Variants in TENM3 observed in about 807,000 individuals in gnomAD.
The protein encoded by TENM3 is teneurin-3.
A neutral mutation model predicts 255.1 loss-of-function variants in TENM3; 63 were observed. That is an observed-to-expected ratio of 0.25 (90% CI 0.20 to 0.30). The LOEUF (loss-of-function observed/expected upper bound fraction) is 0.30. TENM3 is among the 10% of genes least tolerant of loss of function. TENM3 has a pLI of 1.00. For missense variants in TENM3, 2,929 were observed against 3,461.1 expected, an observed-to-expected ratio of 0.85 and a Z score of 3.86; for synonymous variants, 1,306 against 1,322.3, an observed-to-expected ratio of 0.99 and a Z score of 0.27.
At chr4:182,332,431 G>A (rs865919660) in intron 2 of TENM3, among the ~76,000 whole-genome samples, 3 of 152,134 alleles carry the variant, frequency 2.0e-5, no homozygotes, top group Non-Finnish European at 2.9e-5. Context: ...AGTGGCTCAC[G>A]CCTGTAATCC....
chr4:182,191,551 G>A (rs1314017026), intron 1 of TENM3, among the ~76,000 whole-genome samples: 2 of 152,098 alleles, frequency 1.3e-5, no homozygotes, highest in African/African-American at 2.4e-5. Context: ...AGTGCGGTTA[G>A]TTTTATCTAG....
At chr4:182,199,997 G>C (rs1350308691) in intron 1 of TENM3, among the ~76,000 whole-genome samples, 1 of 152,056 alleles carries the variant, frequency 6.6e-6, no homozygotes, top group Non-Finnish European at 1.5e-5. Context: ...AAAGTGCTGG[G>C]ATTAGGCATG....
At chr4:182,423,498 C>T (rs1183359694) in intron 3 of TENM3, among the ~76,000 whole-genome samples, 1 of 152,058 alleles carries the variant, frequency 6.6e-6, no homozygotes, top group Non-Finnish European at 1.5e-5. Context: ...GTGCTCACTC[C>T]TGAGACTTTA....
the TENM3 span, among the ~76,000 whole-genome samples, chr4:181,835,786 T>G: frequency 6.6e-6 from 1 of 152,194 alleles, no homozygotes; most frequent in Non-Finnish European, 1.5e-5. Flanking sequence ...TAAAAAGATG[T>G]GCATGTAATT....
intron 1 of TENM3, among the ~76,000 whole-genome samples, chr4:182,237,201 G>C (rs751811701): frequency 6.6e-6 from 1 of 152,168 alleles, no homozygotes; most frequent in Non-Finnish European, 1.5e-5. Context: ...TTATGGGTGC[G>C]TAGTATTCCA....
the TENM3 span, among the ~76,000 whole-genome samples, chr4:182,015,243 C>A: frequency 6.6e-6 from 1 of 152,172 alleles, no homozygotes; most frequent in Non-Finnish European, 1.5e-5. Flanking sequence ...CAGCTGCCTG[C>A]CCTGCTCCCA....
chr4:181,553,197 A>G, the TENM3 span, among the ~76,000 whole-genome samples: 1 of 151,888 alleles, frequency 6.6e-6, no homozygotes, highest in African/African-American at 2.4e-5. Context: ...CTGAAGATCC[A>G]GAAAATTTTA....
chr4:182,097,772 G>A, the TENM3 span, among the ~76,000 whole-genome samples: 2 of 152,142 alleles, frequency 1.3e-5, no homozygotes, highest in Non-Finnish European at 2.9e-5. Flanking sequence ...TCTGAGCTAA[G>A]CACTTTAACA....
chr4:181,926,875 G>A, the TENM3 span, among the ~76,000 whole-genome samples: 3 of 151,804 alleles, frequency 2.0e-5, no homozygotes, highest in Non-Finnish European at 4.4e-5. Flanking sequence ...GCAGAAGCAG[G>A]GTGGGGCATC....
intron 3 of TENM3, among the ~76,000 whole-genome samples, chr4:182,578,390 C>T (rs1745150999): frequency 6.6e-6 from 1 of 152,050 alleles, no homozygotes; most frequent in South Asian, 2.1e-4. Context: ...GCATATTGTT[C>T]TCCCCTTCTT....
the TENM3 span, among the ~76,000 whole-genome samples, chr4:181,560,991 C>T: frequency 6.6e-5 from 10 of 152,266 alleles, no homozygotes; most frequent in East Asian, 1.7e-3. Context: ...GAGTCTCTGT[C>T]GCCCAGGCTG....
intron 16 of TENM3, among the ~76,000 whole-genome samples, chr4:182,732,042 A>G (rs1760799549): frequency 6.6e-6 from 1 of 152,072 alleles, no homozygotes; most frequent in Admixed American, 6.5e-5. Flanking sequence ...TGACCTCCCA[A>G]AGTGCTGGGA....
chr4:181,899,253 T>A, the TENM3 span, among the ~76,000 whole-genome samples: 2 of 152,206 alleles, frequency 1.3e-5, no homozygotes, highest in East Asian at 3.9e-4. Context: ...GAAGACTAGT[T>A]CTAGGTCCAC....
At chr4:181,921,188 T>C in the TENM3 span, among the ~76,000 whole-genome samples, 1 of 152,152 alleles carries the variant, frequency 6.6e-6, no homozygotes, top group Non-Finnish European at 1.5e-5. Context: ...GCTTTGTTCT[T>C]TTGGCTTAGG....
At chr4:182,012,283 C>T in the TENM3 span, among the ~76,000 whole-genome samples, 8 of 152,202 alleles carry the variant, frequency 5.3e-5, no homozygotes, top group Non-Finnish European at 1.2e-4. Flanking sequence ...AGAATATTGC[C>T]TCCTGCTTTA....
rs75622049 is a variant in TENM3, at chr4:182,659,382, C to A, written c.1111+5489C>A. ...ATTGCAGTATATTGTTATAATTGTT[C>A]TATTAGTATCTTTTTCTTGCCTAAT... On this transcript the variant is annotated intron_variant, in intron 6 of 27. Coordinates refer to ENST00000511685, the MANE Select transcript of TENM3 (RefSeq NM_001080477.4). 7.3e-3 allele frequency among the ~76,000 whole-genome samples: 1,116 copies of A among 152,164 alleles called. 11 individuals are homozygous for A. The highest frequency in any genetic ancestry group is 0.025 in the African/African-American group (1,034 of 41,524).
At chr4:182,047,346 G>A in the TENM3 span, among the ~76,000 whole-genome samples, 51 of 151,982 alleles carry the variant, frequency 3.4e-4, no homozygotes, top group African/African-American at 1.1e-3. Flanking sequence ...GGTGGATTAC[G>A]AGGTCGGGAG....
At position 182,163,361 on chromosome 4, in the gene TENM3, G is replaced by T. The variant is rs372239323; in HGVS notation, c.-76+18607G>T. 2.0e-5 allele frequency among the ~76,000 whole-genome samples: 3 copies of T among 152,158 alleles called. No homozygotes were observed. The East Asian group carries it at 5.8e-4, about 29-fold the overall frequency. On this transcript the variant is annotated intron_variant, in intron 1 of 2. Transcript: ENST00000512480. ...ATGGAAGCCGAGATCCATACCTCCT[G>T]ATCTGGCCAGGCCCCTTCCAGCCCC...
intron 3 of TENM3, among the ~76,000 whole-genome samples, chr4:182,467,535 G>T (rs1732710532): frequency 6.6e-6 from 1 of 152,168 alleles, no homozygotes; most frequent in South Asian, 2.1e-4. Flanking sequence ...GACAATAAAT[G>T]ATATCCTGGG....
Sources: allele counts gnomAD v4.1 joint callset (sites outside exome capture counted in the v4.1 genomes callset), GRCh38; gene constraint gnomAD v4.1.1; transcripts MANE v1.5; gene names NCBI Gene and HGNC (gene_info 2026-07-23, HGNC 2026-07-21).